The following GP2 variants were observed in gnomAD, a reference collection of about 807,000 sequenced individuals.
GP2 encodes the protein pancreatic secretory granule membrane major glycoprotein GP2.
In GP2, 58 loss-of-function variants were observed where a neutral mutation model predicts 60.8. That is an observed-to-expected ratio of 0.95 (90% CI 0.77 to 1.19). The LOEUF is 1.19. GP2 is among the 50% of genes most tolerant of loss of function. The probability of loss-of-function intolerance (pLI) is 0.00; values close to 1 mark genes in which losing one functional copy is unlikely to be tolerated. For synonymous variants in GP2, 280 were observed against 253.4 expected (o/e 1.10, Z -1.00); for missense variants, 647 against 667.4 (o/e 0.97, Z 0.34).
At position 20,320,399 on chromosome 16, in the gene GP2, C is replaced by A; in HGVS notation, c.721G>T (p.Gly241Ter). 6.2e-7 allele frequency: 1 copy of A among 1,613,990 alleles called. No homozygotes were observed. Among genetic ancestry groups the A allele is most frequent in the Non-Finnish European group, 8.5e-7 (1 of 1,179,868 alleles). The part of the protein sequence containing the change: ...IKVKVDKCLL[G>*]GLGLGEEVIA... ...ACCTCCTCCCCCAAACCCAGGCCTC[C>A]CAGCAAACATTTGTCCACCTTCACC... Residue 241 changes from glycine to a stop codon, truncating the protein, a stop_gained, in exon 5 of 11, where the codon GGA (glycine) becomes TGA (stop). Transcript: ENST00000302555. LOFTEE classifies it high-confidence loss of function.
Position 20,310,087 on chromosome 16 carries a change from C to A in GP2, c.*1136G>T, listed in dbSNP as rs1478377854. The A allele has an allele frequency of 6.6e-6, 1 of 152,214 alleles. No homozygotes were observed. Among genetic ancestry groups the A allele is most frequent in the Non-Finnish European group, 1.5e-5 (1 of 68,074 alleles). 9.4% of individuals were successfully genotyped at this position (152,214 alleles called of 1,614,324 possible). On this transcript the variant is annotated 3_prime_UTR_variant, in exon 11 of 11. Transcript: ENST00000302555. The stretch of plus-strand genomic sequence containing the variant: ...CTGTGTATGTGTGATGCCCTATTTG[C>A]TGCATCTGTGTCGGGTGCTTTGAAG...
chr16:20,324,887 A>G (rs1964489742), intron 2 of GP2, among the ~76,000 whole-genome samples: 1 of 152,148 alleles, frequency 6.6e-6, no homozygotes, highest in South Asian at 2.1e-4. Flanking sequence ...GTCATTCTTC[A>G]CTGGAGGAGC....
At chr16:20,324,623 T>C (rs759514229) in intron 2 of GP2, among the ~76,000 whole-genome samples, 1 of 152,200 alleles carries the variant, frequency 6.6e-6, no homozygotes, top group Non-Finnish European at 1.5e-5. Context: ...ATCATTAAAA[T>C]TAATAAAGCA....
rs993881042 is a variant in GP2 at position 20,309,876 on chromosome 16, A to G, written c.*1347T>C. The G allele has an allele frequency of 5.9e-5, 9 of 152,048 alleles. No individual in the cohort carries two copies. The highest frequency in any genetic ancestry group is 2.2e-4 in the African/African-American group (9 of 41,386). 9.4% of individuals were successfully genotyped at this position (152,048 alleles called of 1,614,324 possible). A position where few individuals can be genotyped will look rare whatever the true frequency, so the allele number is the denominator to read the frequency against. On this transcript the variant is annotated 3_prime_UTR_variant, in exon 11 of 11. Coordinates refer to ENST00000302555, the MANE Select transcript of GP2 (RefSeq NM_001502.4). ...GGTTTCTGTTTCTTGCAACTACACCATCTCTGAACAAGGCAGCACATTGGA... is the reference window on the plus strand; with the variant it reads ...GGTTTCTGTTTCTTGCAACTACACCGTCTCTGAACAAGGCAGCACATTGGA...
At chr16:20,314,594 C>G in intron 10 of GP2, 63 bp downstream of exon 10, 1 of 1,133,698 alleles carries the variant, frequency 8.8e-7, no homozygotes, top group Non-Finnish European at 1.3e-6. Context: ...ATAAAAGGGG[C>G]AGAATTGAAA....
At chr16:20,318,516 A>C in intron 6 of GP2, 86 bp from the exon 7 acceptor site, 2 of 1,220,414 alleles carry the variant, frequency 1.6e-6, no homozygotes, top group Non-Finnish European at 2.4e-6. Context: ...TTACGAAGGC[A>C]AGGACACACA....
At position 20,324,085 on chromosome 16, in the gene GP2, A is replaced by G. The variant is rs1329370023; in HGVS notation, c.266T>C (p.Met89Thr). 6.2e-7 allele frequency: 1 copy of G among 1,614,054 alleles called. No individual in the cohort carries two copies. The highest frequency in any genetic ancestry group is 1.1e-5 in the South Asian group (1 of 91,080). ...CCCTACAAAGCGGTACCAGCCGCTCATGTTTTTATCGCACCCCTGGGACCC... is the reference window on the plus strand; with the variant it reads ...CCCTACAAAGCGGTACCAGCCGCTCGTGTTTTTATCGCACCCCTGGGACCC... The part of the protein sequence containing the change: ...SAGSQGCDKN[M>T]SGWYRFVGEG... Residue 89 changes from methionine to threonine, a missense_variant, in exon 3 of 11, where the codon ATG becomes ACG. Coordinates refer to ENST00000302555, the MANE Select transcript of GP2 (RefSeq NM_001502.4).
chr16:20,326,616 G>T, intron 1 of GP2, 149 bp from the exon 2 acceptor site: 2 of 655,526 alleles, frequency 3.1e-6, no homozygotes, highest in Non-Finnish European at 5.1e-6. Context: ...TGATAAAATT[G>T]ACAGTAAGCA....
chr16:20,324,231 A>G lies in GP2; in HGVS notation c.120T>C (p.Ser40=). The G allele has an allele frequency of 6.2e-7, 1 of 1,604,466 alleles. No homozygotes were observed. Among genetic ancestry groups the G allele is most frequent in the Non-Finnish European group, 8.5e-7 (1 of 1,172,566 alleles). ...QRGYGNPIEA[S]SYGLDLDCGA... is the part of the protein sequence containing the mutation. Reference sequence around the variant, plus strand: ...CGCAGTCCAGGTCCAGCCCATACGAACTGGCTTCAATGGGGTTTCCATAAC... The same window carrying G: ...CGCAGTCCAGGTCCAGCCCATACGAGCTGGCTTCAATGGGGTTTCCATAAC... Residue 40 remains serine (S), a synonymous_variant, in exon 3 of 11, where the codon AGT becomes AGC. Coordinates refer to ENST00000302555, the MANE Select transcript of GP2 (RefSeq NM_001502.4).
intron 8 of GP2, 99 bp from the exon 9 acceptor site, chr16:20,316,139 C>T (rs1037145152): frequency 2.7e-6 from 2 of 746,054 alleles, no homozygotes; most frequent in South Asian, 3.0e-5. Flanking sequence ...GAACTGTGTC[C>T]AGAACTGGTT....
chr16:20,318,836 A>G (rs956517101), intron 6 of GP2, among the ~76,000 whole-genome samples: 15 of 152,158 alleles, frequency 9.9e-5, no homozygotes, highest in African/African-American at 3.6e-4. Context: ...TTGATTTTTT[A>G]TGAACCAGGA....
rs1009355193 is a variant in GP2 at position 20,324,027 on chromosome 16, G to A, written c.324C>T (p.Val108=). Residue 108 remains valine, a synonymous_variant, in exon 3 of 11, where the codon GTC becomes GTT. Coordinates refer to ENST00000302555, the MANE Select transcript of GP2 (RefSeq NM_001502.4). ...EGGVRMSETC[V]QVHRCQTDAP... The stretch of plus-strand genomic sequence containing the variant: ...CGTCTGTCTGGCATCGGTGCACCTG[G>A]ACACAGGTCTCCGACATCCTTACTC... The A allele has an allele frequency of 1.2e-6, 2 of 1,613,804 alleles. No homozygotes were observed. Among genetic ancestry groups the A allele is most frequent in the East Asian group, 4.5e-5 (2 of 44,896 alleles).
rs1406729526 is a variant in GP2, at chr16:20,310,643, T to C, written c.*580A>G. On this transcript the variant is annotated 3_prime_UTR_variant, in exon 11 of 11. Transcript: ENST00000302555. ...TTAAAAACATGCACCACACTTCCGG[T>C]AAAGGCTGGAGCCACAGAGGGCACC... 1 of 152,214 alleles carries C rather than the reference T, an allele frequency of 6.6e-6. No individual in the cohort carries two copies. The highest frequency in any genetic ancestry group is 6.5e-5 in the Admixed American group (1 of 15,284). The allele number at this position is 152,214 out of a possible 1,614,324, so 9.4% of individuals were successfully genotyped here. A position where few individuals can be genotyped will look rare whatever the true frequency, so the allele number is the denominator to read the frequency against.
At position 20,324,007 on chromosome 16, in the gene GP2, G is replaced by C; in HGVS notation, c.344C>G (p.Thr115Arg). The part of the protein sequence containing the change: ...ETCVQVHRCQ[T>R]DAPMWLNGTH... Reference sequence around the variant, plus strand: ...CCCATTCAGCCACATGGGAGCGTCTGTCTGGCATCGGTGCACCTGGACACA... The same window carrying C: ...CCCATTCAGCCACATGGGAGCGTCTCTCTGGCATCGGTGCACCTGGACACA... Residue 115 changes from threonine (T) to arginine (R), a missense_variant, in exon 3 of 11, where the codon ACA becomes AGA. Coordinates refer to ENST00000302555, the MANE Select transcript of GP2 (RefSeq NM_001502.4). The C allele has an allele frequency of 6.2e-7, 1 of 1,614,150 alleles. No individual in the cohort carries two copies. Among genetic ancestry groups the C allele is most frequent in the South Asian group, 1.1e-5 (1 of 91,084 alleles).
At chr16:20,315,488 A>G (rs990922580) in intron 9 of GP2, among the ~76,000 whole-genome samples, 6 of 152,224 alleles carry the variant, frequency 3.9e-5, no homozygotes, top group African/African-American at 1.4e-4. Context: ...ACAGTCATTC[A>G]CCAGAAAACA....
chr16:20,327,347 G>A (rs1389165853), intron 1 of GP2, 120 bp downstream of exon 1: 7 of 561,400 alleles, frequency 1.2e-5, no homozygotes, highest in Non-Finnish European at 1.9e-5. Flanking sequence ...ACAATGGCCA[G>A]GGTCCAAACT....
intron 1 of GP2, 161 bp from the exon 2 acceptor site, chr16:20,326,628 A>G (rs1964542702): frequency 1.5e-5 from 9 of 611,404 alleles, no homozygotes; most frequent in Non-Finnish European, 2.2e-5. Context: ...CAGTAAGCAA[A>G]CCAAAGGCAA....
At chr16:20,314,753 G>T (rs376569648) in intron 9 of GP2, 52 bp from the exon 10 acceptor site, 47 of 1,244,470 alleles carry the variant, frequency 3.8e-5, no homozygotes, top group Non-Finnish European at 5.5e-5. Context: ...TCCAGTGACT[G>T]CAACACTGTG....
intron 4 of GP2, among the ~76,000 whole-genome samples, chr16:20,321,037 C>T (rs1964341433): frequency 6.7e-6 from 1 of 150,252 alleles, no homozygotes; most frequent in Admixed American, 6.7e-5. Context: ...CACATTATCT[C>T]TCTCTCTGTC....
Sources: allele counts gnomAD v4.1 joint callset (sites outside exome capture counted in the v4.1 genomes callset), GRCh38; gene constraint gnomAD v4.1.1; transcripts MANE v1.5; gene names NCBI Gene and HGNC (gene_info 2026-07-23, HGNC 2026-07-21).